Variants in IKZF2 observed in about 807,000 individuals in gnomAD.
IKZF2 encodes the protein zinc finger protein Helios.
Under a neutral mutation model 49.2 loss-of-function variants are expected in IKZF2, and 15 were observed. That is an observed-to-expected ratio of 0.30 (90% confidence interval 0.20 to 0.47). IKZF2 has a LOEUF of 0.47. IKZF2 is among the 20% of genes least tolerant of loss of function. The probability of loss-of-function intolerance (pLI) is 1.00; values close to 1 mark genes in which losing one functional copy is unlikely to be tolerated. For synonymous variants in IKZF2, 227 were observed against 221.4 expected (o/e 1.03, Z -0.23); for missense variants, 567 against 664.6 (o/e 0.85, Z 1.61).
intron 4 of IKZF2, among the ~76,000 whole-genome samples, chr2:213,079,072 A>AG (rs1357880143): frequency 1.3e-5 from 2 of 152,054 alleles, no homozygotes; most frequent in African/African-American, 2.4e-5. Context: ...TTGAGGGAGA[A>AG]GGGGGAGAAG....
At chr2:213,138,874 T>C (rs1480805473) in intron 4 of IKZF2, among the ~76,000 whole-genome samples, 1 of 151,990 alleles carries the variant, frequency 6.6e-6, no homozygotes, top group African/African-American at 2.4e-5. Flanking sequence ...AAACTGGAAG[T>C]GCCTCTATAT....
At position 213,035,295 on chromosome 2, in the gene IKZF2, T is replaced by C. The variant is rs557501570; in HGVS notation, c.575-13165A>G. On this transcript the variant is annotated intron_variant, in intron 6 of 8. Transcript: ENST00000434687. ...GCAGTCAACATCTTCTAACATATTA[T>C]ATGATTTTTTAACTGATTCTTGCCC... 6.6e-5 allele frequency among the ~76,000 whole-genome samples: 10 copies of C among 152,170 alleles called. No homozygotes were observed. In the East Asian group the frequency reaches 1.7e-3, roughly 26 times the overall value.
At chr2:213,135,586 T>C (rs1414571596) in intron 4 of IKZF2, among the ~76,000 whole-genome samples, 1 of 150,532 alleles carries the variant, frequency 6.6e-6, no homozygotes, top group Non-Finnish European at 1.5e-5. Flanking sequence ...TAGCCCCAGA[T>C]ACTTGAGAAG....
chr2:213,117,850 T>C (rs1416767121), intron 4 of IKZF2, among the ~76,000 whole-genome samples: 1 of 152,260 alleles, frequency 6.6e-6, no homozygotes, highest in Admixed American at 6.5e-5. Flanking sequence ...TTGTTGTTTC[T>C]TTCAATGGAA....
intron 4 of IKZF2, among the ~76,000 whole-genome samples, chr2:213,133,101 G>C (rs566941391): frequency 6.6e-6 from 1 of 152,282 alleles, no homozygotes; most frequent in East Asian, 1.9e-4. Context: ...CTTCCTAGAA[G>C]ACTATTTGAT....
In IKZF2 at chr2:213,143,267, G is replaced by A. The variant is rs2060934382; in HGVS notation, c.139+4441C>T. 3.3e-5 allele frequency among the ~76,000 whole-genome samples: 5 copies of A among 151,894 alleles called. No individual in the cohort carries two copies. The South Asian group carries it at 6.2e-4, about 19-fold the overall frequency. On this transcript the variant is annotated intron_variant, in intron 4 of 8. Coordinates refer to ENST00000434687, the MANE Select transcript of IKZF2 (RefSeq NM_001387220.1). ...TTTTTTAAAAAAGTACTTCTAGTGG[G>A]AAAGACAGATTTTGAACAAAGATAG... is the stretch of plus-strand genomic sequence containing the variant.
chr2:213,111,799 C>G (rs1380760501), intron 4 of IKZF2, among the ~76,000 whole-genome samples: 1 of 152,052 alleles, frequency 6.6e-6, no homozygotes, highest in Non-Finnish European at 1.5e-5. Context: ...TGTTTTTTCA[C>G]TGTCTATAGA....
intron 4 of IKZF2, among the ~76,000 whole-genome samples, chr2:213,089,573 G>A (rs1407812225): frequency 6.6e-6 from 1 of 152,148 alleles, no homozygotes; most frequent in African/African-American, 2.4e-5. Context: ...CAATTCCCAA[G>A]AATGATTCTA....
chr2:213,151,623 T>C (rs1346195183), upstream of IKZF2: 7 of 152,232 alleles, frequency 4.6e-5, no homozygotes, highest in Admixed American at 1.3e-4. Flanking sequence ...CCGGGACAGC[T>C]GGTCAAACCC....
chr2:213,105,499 C>T (rs569044093), intron 4 of IKZF2, among the ~76,000 whole-genome samples: 9 of 148,780 alleles, frequency 6.0e-5, no homozygotes, highest in South Asian at 2.1e-4. Flanking sequence ...ATACACAATA[C>T]GTCACCTCTG....
chr2:213,132,280 A>G (rs73077301), intron 4 of IKZF2, among the ~76,000 whole-genome samples: 2,210 of 152,082 alleles, frequency 0.015, 52 homozygotes, highest in African/African-American at 0.051. Flanking sequence ...TCAAGAAATT[A>G]AGCAATGATA....
chr2:213,011,469 G>T (rs1266395248), intron 8 of IKZF2, among the ~76,000 whole-genome samples: 1 of 152,026 alleles, frequency 6.6e-6, no homozygotes, highest in Non-Finnish European at 1.5e-5. Context: ...TAATTAGAAA[G>T]AGGGATAGTT....
intron 4 of IKZF2, among the ~76,000 whole-genome samples, chr2:213,123,920 A>C (rs1047346197): frequency 7.7e-6 from 1 of 130,196 alleles, no homozygotes; most frequent in Non-Finnish European, 1.6e-5. Context: ...AACTTGTGAG[A>C]TATTTAGCTT....
chr2:213,007,649 T>C lies in IKZF2; in HGVS notation c.1292A>G (p.Lys431Arg). 1 of 1,613,768 alleles carries C rather than the reference T, an allele frequency of 6.2e-7. No homozygotes were observed. Among genetic ancestry groups the C allele is most frequent in the Non-Finnish European group, 8.5e-7 (1 of 1,179,748 alleles). Residue 431 changes from lysine to arginine, a missense_variant, in exon 9 of 9, where the codon AAA becomes AGA. Around this residue, in one of 5 missense-constraint regions of IKZF2, gnomAD observed 310 missense variants for 326.9 expected, o/e 0.95. Transcript: ENST00000434687. ...QGHPALNPKR[K>R]QSPAYMKEDV... The stretch of plus-strand genomic sequence containing the variant: ...CTCCTTCATGTAAGCTGGGCTTTGT[T>C]TCCTCTTGGGATTTAAGGCAGGGTG...
chr2:213,128,602 A>G (rs2060348232), intron 4 of IKZF2, among the ~76,000 whole-genome samples: 1 of 150,178 alleles, frequency 6.7e-6, no homozygotes, highest in African/African-American at 2.5e-5. Context: ...CACCAAGCCA[A>G]GAGTCAGAAG....
rs188748378 is a variant in IKZF2, at chr2:213,036,696, T to C, written c.574+13017A>G. On this transcript the variant is annotated intron_variant, in intron 6 of 8. Coordinates refer to ENST00000434687, the MANE Select transcript of IKZF2 (RefSeq NM_001387220.1). ...AAAGGACTCCACTCTGATAGATTTC[T>C]GATACCTTACATAAAACTTTAATTA... is the stretch of plus-strand genomic sequence containing the variant. 3.6e-3 allele frequency among the ~76,000 whole-genome samples: 551 copies of C among 152,288 alleles called. 3 individuals are homozygous for C. Among genetic ancestry groups the C allele is most frequent in the Middle Eastern group, 0.034 (10 of 294 alleles).
intron 4 of IKZF2, among the ~76,000 whole-genome samples, chr2:213,091,516 G>A (rs1424528299): frequency 6.6e-6 from 1 of 152,114 alleles, no homozygotes; most frequent in African/African-American, 2.4e-5. Context: ...AACTTGCAAG[G>A]CATGTTTATC....
intron 4 of IKZF2, among the ~76,000 whole-genome samples, chr2:213,102,484 G>A (rs954028917): frequency 6.6e-6 from 1 of 151,990 alleles, no homozygotes; most frequent in Non-Finnish European, 1.5e-5. Context: ...AGACAAGTTG[G>A]GAGGTTGTTT....
chr2:213,048,417 T>C (rs969080960), intron 6 of IKZF2, among the ~76,000 whole-genome samples: 1 of 152,114 alleles, frequency 6.6e-6, no homozygotes, highest in South Asian at 2.1e-4. Context: ...CTATTTGTTA[T>C]ATAATGTTTG....
Sources: allele counts gnomAD v4.1 joint callset (sites outside exome capture counted in the v4.1 genomes callset), GRCh38; gene constraint gnomAD v4.1.1; regional missense constraint gnomAD v4.1.1; transcripts MANE v1.5; gene names NCBI Gene and HGNC (gene_info 2026-07-23, HGNC 2026-07-21).